CATSPERT: variants seen among roughly 807,000 people sequenced by gnomAD.
CATSPERT encodes the protein catsper channel auxiliary subunit tau.
the CATSPERT span, among the ~76,000 whole-genome samples, chr2:201,490,824 T>C: frequency 2.0e-5 from 3 of 152,008 alleles, no homozygotes; most frequent in Admixed American, 1.3e-4. Flanking sequence ...CCCGGGTTCA[T>C]GCCATTCTCC....
At chr2:201,601,655 A>C in the CATSPERT span, 1 of 1,339,688 alleles carries the variant, frequency 7.5e-7, no homozygotes, top group Non-Finnish European at 1.0e-6. Context: ...TTTTCTACTC[A>C]TTTTTATAAA....
At chr2:201,615,901 A>C in the CATSPERT span, among the ~76,000 whole-genome samples, 1 of 152,198 alleles carries the variant, frequency 6.6e-6, no homozygotes, top group Non-Finnish European at 1.5e-5. Flanking sequence ...CAGAAATACA[A>C]ACTACCATCA....
At chr2:201,616,975 A>C in the CATSPERT span, among the ~76,000 whole-genome samples, 1 of 152,222 alleles carries the variant, frequency 6.6e-6, no homozygotes. Flanking sequence ...CAAAGAGAAT[A>C]AAATACCTAG....
the CATSPERT span, among the ~76,000 whole-genome samples, chr2:201,592,936 C>T: frequency 4.5e-4 from 69 of 152,252 alleles, 1 homozygote; most frequent in African/African-American, 1.6e-3. Context: ...AAACCAGCTG[C>T]TGGATTCATT....
the CATSPERT span, among the ~76,000 whole-genome samples, chr2:201,552,628 G>A: frequency 6.6e-6 from 1 of 152,170 alleles, no homozygotes; most frequent in Non-Finnish European, 1.5e-5. Flanking sequence ...TAGGCTATTA[G>A]TAGTTAAGTT....
At chr2:201,499,393 C>A in the CATSPERT span, among the ~76,000 whole-genome samples, 34 of 152,126 alleles carry the variant, frequency 2.2e-4, no homozygotes, top group African/African-American at 6.3e-4. Context: ...AAAAAGAAAA[C>A]CCTTAGCTTT....
chr2:201,595,314 G>A, the CATSPERT span, among the ~76,000 whole-genome samples: 10 of 150,866 alleles, frequency 6.6e-5, no homozygotes, highest in African/African-American at 1.7e-4. Flanking sequence ...TCAGCCTCCC[G>A]AGTAGCTGGG....
chr2:201,518,065 G>A, the CATSPERT span, among the ~76,000 whole-genome samples: 1 of 152,286 alleles, frequency 6.6e-6, no homozygotes, highest in South Asian at 2.1e-4. Context: ...TAAGCTTGCT[G>A]GACAGCTTCT....
chr2:201,495,156 ATTTT>A, the CATSPERT span, among the ~76,000 whole-genome samples: 7 of 148,166 alleles, frequency 4.7e-5, no homozygotes, highest in African/African-American at 1.7e-4. Context: ...AATGTAGGAA[ATTTT>A]TTTTTTTTAA....
At chr2:201,552,625 TTAG>T in the CATSPERT span, among the ~76,000 whole-genome samples, 9 of 152,216 alleles carry the variant, frequency 5.9e-5, no homozygotes, top group Non-Finnish European at 1.3e-4. Flanking sequence ...CAGTAGGCTA[TTAG>T]TAGTTAAGTT....
the CATSPERT span, among the ~76,000 whole-genome samples, chr2:201,595,528 G>C: frequency 6.6e-6 from 1 of 152,100 alleles, no homozygotes; most frequent in Non-Finnish European, 1.5e-5. Context: ...TCAGCTGCAG[G>C]TCTGTTGGAG....
At chr2:201,618,936 G>A in the CATSPERT span, 11 of 1,613,884 alleles carry the variant, frequency 6.8e-6, no homozygotes, top group East Asian at 2.5e-4. Context: ...CCTGGTTCTT[G>A]TTCTTAGGCA....
chr2:201,607,275 C>T, the CATSPERT span, among the ~76,000 whole-genome samples: 5 of 152,170 alleles, frequency 3.3e-5, no homozygotes, highest in Non-Finnish European at 2.9e-5. Flanking sequence ...GTTACTTAAC[C>T]TCTCTAACCC....
At chr2:201,605,759 T>C in the CATSPERT span, among the ~76,000 whole-genome samples, 1 of 152,194 alleles carries the variant, frequency 6.6e-6, no homozygotes, top group South Asian at 2.1e-4. Context: ...TCAAACTGAA[T>C]TAAGTATCTT....
chr2:201,519,228 C>T, the CATSPERT span, among the ~76,000 whole-genome samples: 1 of 152,122 alleles, frequency 6.6e-6, no homozygotes, highest in Non-Finnish European at 1.5e-5. Flanking sequence ...ATAAACTCTC[C>T]CAACCTAGGC....
At chr2:201,521,810 C>G in the CATSPERT span, among the ~76,000 whole-genome samples, 9 of 152,060 alleles carry the variant, frequency 5.9e-5, no homozygotes, top group African/African-American at 2.2e-4. Context: ...GGGATTTATC[C>G]CAGGAACTCA....
the CATSPERT span, chr2:201,535,816 T>C: frequency 7.0e-7 from 1 of 1,438,656 alleles, no homozygotes; most frequent in African/African-American, 1.4e-5. Flanking sequence ...CTTATACTTC[T>C]AATATAAGGG....
At chr2:201,563,024 T>G in the CATSPERT span, among the ~76,000 whole-genome samples, 1 of 151,052 alleles carries the variant, frequency 6.6e-6, no homozygotes, top group Non-Finnish European at 1.5e-5. Flanking sequence ...CTCAATGAGC[T>G]GTTGGGCACA....
chr2:201,554,692 A>G, the CATSPERT span: 1 of 152,198 alleles, frequency 6.6e-6, no homozygotes, highest in Non-Finnish European at 1.5e-5. Context: ...ATCTTTCTAC[A>G]TTTATTCTTA....
Sources: allele counts gnomAD v4.1 joint callset (sites outside exome capture counted in the v4.1 genomes callset), GRCh38; gene constraint gnomAD v4.1.1; transcripts MANE v1.5; gene names NCBI Gene and HGNC (gene_info 2026-07-23, HGNC 2026-07-21).